Variants in HS3ST3B1 observed in about 807,000 individuals in gnomAD.
HS3ST3B1 encodes the protein heparan sulfate-glucosamine 3-sulfotransferase 3B1, also known as heparan sulfate glucosamine 3-O-sulfotransferase 3B1.
Under a neutral mutation model 21.3 loss-of-function variants are expected in HS3ST3B1, and 13 were observed. The observed-to-expected ratio is 0.61, with a 90% CI of 0.40 to 0.97. The LOEUF (loss-of-function observed/expected upper bound fraction) is 0.97. HS3ST3B1 is among the 50% of genes least tolerant of loss of function. The pLI is 0.00. For missense variants in HS3ST3B1, 459 were observed against 554.8 expected, an observed-to-expected ratio of 0.83 and a Z score of 1.73; for synonymous variants, 234 against 254.8, an observed-to-expected ratio of 0.92 and a Z score of 0.78.
intron 1 of HS3ST3B1, among the ~76,000 whole-genome samples, chr17:14,311,794 T>A (rs947646357): frequency 3.3e-5 from 5 of 152,210 alleles, no homozygotes; most frequent in East Asian, 3.9e-4. Flanking sequence ...TGCATACCTG[T>A]AATCCCAGGT....
intron 1 of HS3ST3B1, among the ~76,000 whole-genome samples, chr17:14,325,344 C>T (rs1379280287): frequency 2.6e-5 from 4 of 152,150 alleles, no homozygotes; most frequent in Non-Finnish European, 4.4e-5. Flanking sequence ...AATGATGGAA[C>T]CAGGCAAATG....
rs564369945 is a variant in HS3ST3B1, at chr17:14,316,447, G to A, written c.554+14375G>A. On this transcript the variant is annotated intron_variant, in intron 1 of 1. Coordinates refer to ENST00000360954, the MANE Select transcript of HS3ST3B1 (RefSeq NM_006041.3). ...AATTGCAGGTTCAGCTTTCCTCCAA[G>A]CAGCTTATGTCTGTTTTCAAAGGTA... Among the ~76,000 whole-genome samples, 23 of 152,262 alleles carry A rather than the reference G, an allele frequency of 1.5e-4. 2 individuals are homozygous for A. In the South Asian group the frequency reaches 4.8e-3, roughly 32 times the overall value.
intron 1 of HS3ST3B1, among the ~76,000 whole-genome samples, chr17:14,306,829 T>TTA (rs1555547771): frequency 6.7e-6 from 1 of 149,104 alleles, no homozygotes; most frequent in Admixed American, 6.7e-5. Flanking sequence ...TGGGTGAAGA[T>TTA]AAAAAAAAAA....
chr17:14,328,036 C>T (rs1280122081), intron 1 of HS3ST3B1: 1 of 152,134 alleles, frequency 6.6e-6, no homozygotes, highest in Non-Finnish European at 1.5e-5. Flanking sequence ...TACTTAATCT[C>T]CTTGGTGTTT....
At chr17:14,337,718 A>T (rs1910230407) in intron 1 of HS3ST3B1, among the ~76,000 whole-genome samples, 1 of 150,802 alleles carries the variant, frequency 6.6e-6, no homozygotes. Flanking sequence ...CTGGGAGGTG[A>T]TCTACAGGCA....
chr17:14,304,472 C>A (rs964564583), intron 1 of HS3ST3B1: 1 of 152,204 alleles, frequency 6.6e-6, no homozygotes, highest in South Asian at 2.1e-4. Context: ...TTAAGAAAAA[C>A]GAATGGATGT....
intron 1 of HS3ST3B1, among the ~76,000 whole-genome samples, chr17:14,329,719 G>A (rs1460087169): frequency 6.6e-6 from 1 of 152,138 alleles, no homozygotes; most frequent in Non-Finnish European, 1.5e-5. Context: ...AAGAAGGAGG[G>A]CACCAAAAAT....
chr17:14,336,989 G>A (rs1483084860), intron 1 of HS3ST3B1, among the ~76,000 whole-genome samples: 1 of 152,160 alleles, frequency 6.6e-6, no homozygotes, highest in Admixed American at 6.5e-5. Context: ...GGCATCCGAT[G>A]GCGAGAGGCT....
intron 1 of HS3ST3B1, among the ~76,000 whole-genome samples, chr17:14,322,903 T>A (rs1909701759): frequency 2.1e-5 from 3 of 145,826 alleles, no homozygotes; most frequent in Admixed American, 6.9e-5. Context: ...TATGTCTTTT[T>A]TTTTTTTTTT....
At chr17:14,320,248 T>C (rs1289441009) in intron 1 of HS3ST3B1, among the ~76,000 whole-genome samples, 1 of 152,042 alleles carries the variant, frequency 6.6e-6, no homozygotes, top group East Asian at 1.9e-4. Flanking sequence ...AGAGGGAGAA[T>C]TTCAATCTAT....
At chr17:14,309,776 T>C (rs1256743758) in intron 1 of HS3ST3B1, among the ~76,000 whole-genome samples, 1 of 152,194 alleles carries the variant, frequency 6.6e-6, no homozygotes, top group Non-Finnish European at 1.5e-5. Flanking sequence ...AATGTTCGGC[T>C]CCCGAGTCCT....
intron 1 of HS3ST3B1, among the ~76,000 whole-genome samples, chr17:14,314,994 G>A (rs1909452681): frequency 6.6e-6 from 1 of 152,108 alleles, no homozygotes; most frequent in Admixed American, 6.5e-5. Context: ...CTGCTTAGCT[G>A]GCTGCCAATT....
rs1185364723 is a variant in HS3ST3B1, at chr17:14,313,134, GTA to G, written c.554+11072_554+11073del. 1.0e-3 allele frequency among the ~76,000 whole-genome samples: 113 copies of G among 108,940 alleles called. No individual in the cohort carries two copies. In the East Asian group the frequency reaches 0.017, roughly 16 times the overall value. 71.5% of individuals were successfully genotyped at this position (108,940 alleles called of 152,430 possible). ...TATATATATATATATGTGTGTGTGT[GTA>G]TATATATATTTTTAGTAGAGACAGG... On this transcript the variant is annotated intron_variant, in intron 1 of 1. Coordinates refer to ENST00000360954, the MANE Select transcript of HS3ST3B1 (RefSeq NM_006041.3).
intron 1 of HS3ST3B1, among the ~76,000 whole-genome samples, chr17:14,310,533 T>C (rs1314538540): frequency 6.6e-6 from 1 of 152,222 alleles, no homozygotes; most frequent in Non-Finnish European, 1.5e-5. Flanking sequence ...ACATAAGACG[T>C]TGAACATCGT....
intron 1 of HS3ST3B1, among the ~76,000 whole-genome samples, chr17:14,323,674 A>G (rs1909723183): frequency 6.6e-6 from 1 of 152,090 alleles, no homozygotes; most frequent in Non-Finnish European, 1.5e-5. Flanking sequence ...CACCAGCTTT[A>G]TAGCTTTGTG....
At chr17:14,310,079 G>C (rs1245826849) in intron 1 of HS3ST3B1, among the ~76,000 whole-genome samples, 1 of 152,192 alleles carries the variant, frequency 6.6e-6, no homozygotes, top group African/African-American at 2.4e-5. Flanking sequence ...AGATTCAGTG[G>C]ATAACAGAAA....
intron 1 of HS3ST3B1, among the ~76,000 whole-genome samples, chr17:14,322,757 A>G (rs1909694734): frequency 6.6e-6 from 1 of 152,224 alleles, no homozygotes; most frequent in Admixed American, 6.5e-5. Flanking sequence ...GATCATGTCA[A>G]CCAGGCTTTT....
At chr17:14,322,958 T>C (rs968237151) in intron 1 of HS3ST3B1, among the ~76,000 whole-genome samples, 3 of 142,822 alleles carry the variant, frequency 2.1e-5, no homozygotes, top group Non-Finnish European at 4.5e-5. Context: ...CAGACTGGAG[T>C]GCAATGGCGC....
chr17:14,301,568 G>C lies in HS3ST3B1; in HGVS notation c.50G>C (p.Arg17Pro). 3 of 1,594,578 alleles carry C rather than the reference G, an allele frequency of 1.9e-6. No individual in the cohort carries two copies. Among genetic ancestry groups the C allele is most frequent in the Non-Finnish European group, 2.5e-6 (3 of 1,176,872 alleles). Residue 17 changes from arginine (R) to proline (P), a missense_variant, in exon 1 of 2, where the codon CGG becomes CCG. Physicochemically the swap from Arg to Pro is moderately radical, Grantham distance 103. Around this residue, in one of 3 missense-constraint regions of HS3ST3B1, gnomAD observed 317 missense variants for 278.6 expected, o/e 1.14. Transcript: ENST00000360954. ...GGRSCLDVPG[R>P]LLPQPPPPPP... ...AGATCTTGCCTCGATGTCCCCGGCC[G>C]GCTCCTACCGCAGCCGCCGCCGCCC...
Sources: gnomAD v4.1 joint callset for allele counts (sites outside exome capture counted in the v4.1 genomes callset) on GRCh38, gnomAD v4.1.1 for gene constraint, gnomAD v4.1.1 regional missense constraint, MANE v1.5 for transcripts, NCBI Gene and HGNC (gene_info 2026-07-23, HGNC 2026-07-21) for gene names.